SLC24A2: variants seen among roughly 807,000 people sequenced by gnomAD.
SLC24A2 encodes sodium/potassium/calcium exchanger 2.
A neutral mutation model predicts 62.0 loss-of-function variants in SLC24A2; 36 were observed. That is an observed-to-expected ratio of 0.58 (90% CI 0.44 to 0.77). The LOEUF is 0.77. Among genes scored for constraint, SLC24A2 ranks in the 30% least tolerant of loss-of-function variants. The pLI, the probability that SLC24A2 is intolerant of heterozygous loss-of-function variation, is 0.00. For missense variants in SLC24A2, 846 were observed against 817.9 expected (o/e 1.03, Z -0.42); for synonymous variants, 358 against 294.0 (o/e 1.22, Z -2.23).
the SLC24A2 span, among the ~76,000 whole-genome samples, chr9:20,154,892 T>G: frequency 6.6e-6 from 1 of 151,592 alleles, no homozygotes; most frequent in Non-Finnish European, 1.5e-5. Flanking sequence ...CATCATATGC[T>G]CATACAACCC....
chr9:19,903,826 T>C, the SLC24A2 span, among the ~76,000 whole-genome samples: 2 of 152,202 alleles, frequency 1.3e-5, no homozygotes, highest in Non-Finnish European at 1.5e-5. Context: ...AGTATGAGGC[T>C]TCACTCTATG....
the SLC24A2 span, among the ~76,000 whole-genome samples, chr9:20,080,371 T>C: frequency 1.5e-3 from 230 of 152,300 alleles, 1 homozygote; most frequent in African/African-American, 5.5e-3. Context: ...AAAGAAGAAA[T>C]GGGGAAAGGA....
the SLC24A2 span, among the ~76,000 whole-genome samples, chr9:20,223,125 A>C: frequency 6.6e-6 from 1 of 152,102 alleles, no homozygotes; most frequent in Non-Finnish European, 1.5e-5. Flanking sequence ...AATGTAATAG[A>C]CAAAAAAAGA....
At chr9:19,866,430 T>A in the SLC24A2 span, among the ~76,000 whole-genome samples, 1 of 152,188 alleles carries the variant, frequency 6.6e-6, no homozygotes, top group East Asian at 1.9e-4. Context: ...TTCACAATAG[T>A]AAAGATTTGG....
chr9:20,057,456 G>C, the SLC24A2 span, among the ~76,000 whole-genome samples: 1 of 152,154 alleles, frequency 6.6e-6, no homozygotes. Flanking sequence ...CCAGACACCA[G>C]TTATTTGTGA....
the SLC24A2 span, among the ~76,000 whole-genome samples, chr9:20,307,051 G>A: frequency 6.6e-6 from 1 of 152,066 alleles, no homozygotes; most frequent in Non-Finnish European, 1.5e-5. Flanking sequence ...CATTCACCCT[G>A]TAATTTTACC....
chr9:19,991,025 CAT>C, the SLC24A2 span, among the ~76,000 whole-genome samples: 108 of 100,042 alleles, frequency 1.1e-3, no homozygotes, highest in African/African-American at 4.5e-3. Context: ...TACACACACA[CAT>C]ATATACACAC....
chr9:19,596,148 C>T (rs1258309998), intron 5 of SLC24A2, among the ~76,000 whole-genome samples: 1 of 152,164 alleles, frequency 6.6e-6, no homozygotes, highest in Non-Finnish European at 1.5e-5. Context: ...GAAGGGGCTT[C>T]CTCTTGCCCG....
the SLC24A2 span, among the ~76,000 whole-genome samples, chr9:20,126,432 C>T: frequency 6.6e-6 from 1 of 152,078 alleles, no homozygotes; most frequent in Admixed American, 6.6e-5. Flanking sequence ...TTCCTGCTTC[C>T]ACTAGTTTAT....
At chr9:20,020,485 A>G in the SLC24A2 span, among the ~76,000 whole-genome samples, 1 of 151,958 alleles carries the variant, frequency 6.6e-6, no homozygotes, top group African/African-American at 2.4e-5. Context: ...AAAACCAAAC[A>G]CTGCATGTTC....
chr9:20,050,456 C>T, the SLC24A2 span, among the ~76,000 whole-genome samples: 1 of 152,102 alleles, frequency 6.6e-6, no homozygotes, highest in Admixed American at 6.6e-5. Flanking sequence ...GACAATTTAA[C>T]TTTCCAAGTC....
At chr9:20,135,287 A>G in the SLC24A2 span, among the ~76,000 whole-genome samples, 1 of 149,790 alleles carries the variant, frequency 6.7e-6, no homozygotes, top group African/African-American at 2.4e-5. Context: ...TTTAAATTTA[A>G]TTTTTAATTA....
chr9:19,617,710 C>T (rs1817805723), intron 4 of SLC24A2, among the ~76,000 whole-genome samples: 1 of 152,152 alleles, frequency 6.6e-6, no homozygotes, highest in Non-Finnish European at 1.5e-5. Context: ...GAGAACTCTC[C>T]TGACTTTGAG....
the SLC24A2 span, among the ~76,000 whole-genome samples, chr9:19,871,664 A>G: frequency 6.6e-6 from 1 of 152,196 alleles, no homozygotes; most frequent in Admixed American, 6.5e-5. Flanking sequence ...TAATTGAAAA[A>G]AGGCTAAAAC....
At chr9:19,686,664 C>T (rs772890457) in intron 2 of SLC24A2, among the ~76,000 whole-genome samples, 23 of 152,034 alleles carry the variant, frequency 1.5e-4, no homozygotes, top group Non-Finnish European at 1.9e-4. Context: ...TCCTTCCTGC[C>T]GTCATGTGAA....
chr9:20,023,892 G>A, the SLC24A2 span, among the ~76,000 whole-genome samples: 2 of 152,214 alleles, frequency 1.3e-5, no homozygotes, highest in African/African-American at 4.8e-5. Context: ...GTTTTCCGAA[G>A]AATTAAGGCC....
At chr9:20,262,003 G>A in the SLC24A2 span, among the ~76,000 whole-genome samples, 35 of 152,206 alleles carry the variant, frequency 2.3e-4, no homozygotes, top group Non-Finnish European at 1.9e-4. Flanking sequence ...CTCCCAAAGT[G>A]CTGGGAATAC....
the SLC24A2 span, among the ~76,000 whole-genome samples, chr9:20,051,032 C>T: frequency 1.3e-5 from 2 of 151,804 alleles, no homozygotes; most frequent in African/African-American, 2.4e-5. Flanking sequence ...GATCTAAGCC[C>T]AAATATATCA....
chr9:19,767,633 C>T (rs977146358), intron 2 of SLC24A2, among the ~76,000 whole-genome samples: 20 of 152,210 alleles, frequency 1.3e-4, no homozygotes, highest in African/African-American at 4.3e-4. Context: ...GGGCTGCATG[C>T]ACTGTCTAAC....
Sources: allele counts gnomAD v4.1 joint callset (sites outside exome capture counted in the v4.1 genomes callset), GRCh38; gene constraint gnomAD v4.1.1; transcripts MANE v1.5; gene names NCBI Gene and HGNC (gene_info 2026-07-23, HGNC 2026-07-21).